The following FOCAD variants were observed in gnomAD, a reference collection of about 807,000 sequenced individuals.
FOCAD encodes the protein focadhesin.
In FOCAD, 198 loss-of-function variants were observed where a neutral mutation model predicts 225.6. That is an observed-to-expected ratio of 0.88 (90% CI 0.78 to 0.99). The LOEUF is 0.99. Ranked by LOEUF, FOCAD falls within the 50% of genes least tolerant of loss-of-function variation. FOCAD has a pLI of 0.00. For missense variants in FOCAD, 2,713 were observed against 2,123.6 expected, an observed-to-expected ratio of 1.28 and a Z score of -5.46; for synonymous variants, 897 against 755.0, an observed-to-expected ratio of 1.19 and a Z score of -3.08.
chr9:20,991,400 C>T (rs1841658750), intron 42 of FOCAD, among the ~76,000 whole-genome samples: 1 of 152,148 alleles, frequency 6.6e-6, no homozygotes, highest in Non-Finnish European at 1.5e-5. Flanking sequence ...GAACTGTAGA[C>T]CCATAGTTTA....
intron 8 of FOCAD, among the ~76,000 whole-genome samples, chr9:20,774,965 T>C (rs1045996421): frequency 6.6e-6 from 1 of 152,214 alleles, no homozygotes; most frequent in African/African-American, 2.4e-5. Context: ...TGTGAACATA[T>C]GCTATAGGTC....
intron 15 of FOCAD, among the ~76,000 whole-genome samples, chr9:20,840,968 G>A (rs543387998): frequency 6.6e-6 from 1 of 151,886 alleles, no homozygotes; most frequent in Non-Finnish European, 1.5e-5. Flanking sequence ...TACTTTTCCA[G>A]CATCAACTGA....
intron 12 of FOCAD, 28 bp downstream of exon 12, chr9:20,819,928 G>T: frequency 2.3e-6 from 3 of 1,310,604 alleles, no homozygotes; most frequent in South Asian, 2.9e-5. Context: ...TTTAGTTGGC[G>T]AAAAAAGTGA....
chr9:20,840,418 T>C (rs1306261346), intron 15 of FOCAD, among the ~76,000 whole-genome samples: 1 of 133,598 alleles, frequency 7.5e-6, no homozygotes, highest in African/African-American at 2.7e-5. Flanking sequence ...TTTTATTTTA[T>C]GTAGAGGTAT....
intron 34 of FOCAD, among the ~76,000 whole-genome samples, chr9:20,951,871 A>G (rs539004023): frequency 4.6e-5 from 7 of 152,272 alleles, no homozygotes; most frequent in South Asian, 2.1e-4. Flanking sequence ...TCAGGTACCA[A>G]TGATTCCTTA....
At chr9:20,813,321 G>A (rs1297238150) in intron 11 of FOCAD, among the ~76,000 whole-genome samples, 2 of 152,078 alleles carry the variant, frequency 1.3e-5, no homozygotes, top group Admixed American at 6.6e-5. Context: ...AGAAATGAAT[G>A]TGGGAATGTG....
intron 21 of FOCAD, among the ~76,000 whole-genome samples, chr9:20,896,546 A>C (rs1020375456): frequency 5.3e-5 from 8 of 151,938 alleles, no homozygotes; most frequent in Non-Finnish European, 1.2e-4. Flanking sequence ...TAATAGATAC[A>C]GGCCTATTCA....
chr9:20,707,142 C>G (rs766136775), intron 1 of FOCAD, among the ~76,000 whole-genome samples: 1 of 152,192 alleles, frequency 6.6e-6, no homozygotes, highest in Non-Finnish European at 1.5e-5. Flanking sequence ...AAATAGCAGT[C>G]TCTTCCACAT....
chr9:20,986,546 C>A, intron 40 of FOCAD, 81 bp downstream of exon 40: 2 of 1,307,088 alleles, frequency 1.5e-6, no homozygotes, highest in Non-Finnish European at 2.0e-6. Flanking sequence ...GAGTTCTCAA[C>A]TTAAAAATTA....
chr9:20,739,864 A>G (rs1827465533), intron 4 of FOCAD, among the ~76,000 whole-genome samples: 1 of 151,998 alleles, frequency 6.6e-6, no homozygotes, highest in African/African-American at 2.4e-5. Context: ...TCCATTTCAT[A>G]TATTTGGTTA....
In FOCAD at chr9:20,737,983, G is replaced by A. The variant is rs925378339; in HGVS notation, c.288-2253G>A. On this transcript the variant is annotated intron_variant, in intron 4 of 43. Coordinates refer to ENST00000338382, the MANE Select transcript of FOCAD (RefSeq NM_001375567.1). ...AGGTCTTTGTAAAGGAAGGTGTTGT[G>A]AAGAGTTGTGAAGAACTGGAGGATA... is the stretch of plus-strand genomic sequence containing the variant. Among the ~76,000 whole-genome samples the A allele has an allele frequency of 2.6e-5, 4 of 152,334 alleles. No homozygotes were observed. In the South Asian group the frequency reaches 8.3e-4, roughly 32 times the overall value.
intron 19 of FOCAD, 170 bp downstream of exon 19, chr9:20,874,977 T>G: frequency 1.2e-6 from 1 of 807,220 alleles, no homozygotes; most frequent in Non-Finnish European, 2.0e-6. Context: ...GGTAGTATGG[T>G]GTTTAAATCA....
chr9:20,851,424 T>A (rs147505396), intron 15 of FOCAD, among the ~76,000 whole-genome samples: 6 of 151,994 alleles, frequency 3.9e-5, no homozygotes, highest in Admixed American at 1.3e-4. Flanking sequence ...ACTTTGGAAT[T>A]CATTGTGAAT....
intron 5 of FOCAD, 68 bp downstream of exon 5, chr9:20,740,408 G>C: frequency 1.1e-6 from 1 of 878,568 alleles, no homozygotes; most frequent in Non-Finnish European, 1.8e-6. Flanking sequence ...ACTGTGACAT[G>C]ATAATCCAGT....
At chr9:20,716,857 G>C (rs1161125551) in intron 2 of FOCAD, among the ~76,000 whole-genome samples, 1 of 152,144 alleles carries the variant, frequency 6.6e-6, no homozygotes, top group Non-Finnish European at 1.5e-5. Context: ...GAACTCTTGT[G>C]TGACTATAAA....
chr9:20,975,831 T>C (rs1385662683), intron 35 of FOCAD, among the ~76,000 whole-genome samples: 3 of 152,094 alleles, frequency 2.0e-5, no homozygotes, highest in Non-Finnish European at 4.4e-5. Context: ...AAAGTTGATC[T>C]CATATGCAAT....
chr9:20,670,284 T>G (rs1194620030), intron 2 of FOCAD, among the ~76,000 whole-genome samples: 1 of 152,230 alleles, frequency 6.6e-6, no homozygotes, highest in Admixed American at 6.5e-5. Context: ...ATCCTAATGA[T>G]CAATAAATCC....
At chr9:20,799,418 C>T (rs946278479) in intron 11 of FOCAD, among the ~76,000 whole-genome samples, 5 of 152,064 alleles carry the variant, frequency 3.3e-5, no homozygotes, top group East Asian at 1.9e-4. Flanking sequence ...CTTTTTGTCT[C>T]GTTGATCTGT....
chr9:20,714,467 G>T lies in FOCAD; in HGVS notation c.-32-855G>T, dbSNP rs564561541. Among the ~76,000 whole-genome samples the T allele has an allele frequency of 1.5e-3, 226 of 152,128 alleles. 1 individual carries two copies. The highest frequency in any genetic ancestry group is 5.1e-3 in the African/African-American group (212 of 41,500). On this transcript the variant is annotated intron_variant, in intron 1 of 43. Transcript: ENST00000338382. ...ATATTGTAAAAGTAGGTGACCTAGA[G>T]GGCCCTGTTTTTCAAAATAATGTAA...
Sources: allele counts gnomAD v4.1 joint callset (sites outside exome capture counted in the v4.1 genomes callset), GRCh38; gene constraint gnomAD v4.1.1; transcripts MANE v1.5; gene names NCBI Gene and HGNC (gene_info 2026-07-23, HGNC 2026-07-21).